The following ANOS1 variants were observed in gnomAD, a reference collection of about 807,000 sequenced individuals.
ANOS1 encodes anosmin 1.
ANOS1 carries 6 observed loss-of-function variants against 59.0 expected under a neutral mutation model. The observed-to-expected ratio is 0.10, with a 90% CI of 0.06 to 0.20. ANOS1 has a LOEUF of 0.20. ANOS1 is among the 10% of genes least tolerant of loss of function. ANOS1 has a pLI of 1.00. For missense variants in ANOS1, 433 were observed against 542.3 expected, an observed-to-expected ratio of 0.80 and a Z score of 2.00; for synonymous variants, 217 against 223.4, an observed-to-expected ratio of 0.97 and a Z score of 0.25.
intron 2 of ANOS1, among the ~76,000 whole-genome samples, chrX:8,668,430 T>TATATATATATACACACAC (rs1394731479): frequency 3.7e-5 from 3 of 80,258 alleles, no homozygotes; most frequent in African/African-American, 1.5e-4. Flanking sequence ...TATATATATA[T>TATATATATATACACACAC]ACACACACAT....
At chrX:8,656,732 C>T (rs781480270) in intron 2 of ANOS1, among the ~76,000 whole-genome samples, 2 of 111,347 alleles carry the variant, frequency 1.8e-5, no homozygotes, top group Non-Finnish European at 3.8e-5. Context: ...CAGTTCTCAA[C>T]GCCATACATG....
intron 6 of ANOS1, among the ~76,000 whole-genome samples, chrX:8,580,175 G>T (rs977973884): frequency 5.3e-5 from 6 of 112,364 alleles, no homozygotes; most frequent in Admixed American, 9.4e-5. Context: ...GGAATGACCT[G>T]TGAAGGTAAC....
At chrX:8,727,728 G>C (rs918054846) in intron 1 of ANOS1, among the ~76,000 whole-genome samples, 1 of 112,206 alleles carries the variant, frequency 8.9e-6, no homozygotes, top group Non-Finnish European at 1.9e-5. Flanking sequence ...AGACATGAGT[G>C]TTCCCTGGGC....
chrX:8,619,366 G>C (rs949601047), intron 3 of ANOS1, among the ~76,000 whole-genome samples: 1 of 111,646 alleles, frequency 9.0e-6, no homozygotes, highest in Non-Finnish European at 1.9e-5. Context: ...AGCACTTTGG[G>C]AGGCCAAGGC....
chrX:8,559,745 A>G (rs1460197058), intron 8 of ANOS1, among the ~76,000 whole-genome samples: 13 of 112,178 alleles, frequency 1.2e-4, no homozygotes, highest in Non-Finnish European at 2.3e-4. Context: ...TTCTTTGCCC[A>G]TGAAAACTTC....
intron 2 of ANOS1, among the ~76,000 whole-genome samples, chrX:8,659,753 C>T (rs952942257): frequency 7.3e-5 from 8 of 109,218 alleles, no homozygotes; most frequent in Admixed American, 3.0e-4. Flanking sequence ...CTCAGCCTCC[C>T]GAGTAGCTGG....
intron 1 of ANOS1, among the ~76,000 whole-genome samples, chrX:8,725,761 T>C (rs931980719): frequency 7.9e-5 from 8 of 100,792 alleles, no homozygotes; most frequent in Non-Finnish European, 2.0e-5. Flanking sequence ...TATACAGATA[T>C]ATATATTTGA....
chrX:8,535,250 A>G lies in ANOS1; in HGVS notation c.1842+341T>C, dbSNP rs190285061. On this transcript the variant is annotated intron_variant, in intron 12 of 13. Coordinates refer to ENST00000262648, the MANE Select transcript of ANOS1 (RefSeq NM_000216.4). ...CTATTCCTGCCCTCCCCAATTCAAC[A>G]CTTCAAACAGGGCATGTTCACTTGG... 3.1e-3 allele frequency: 673 copies of G among 219,679 alleles called. 4 individuals carry two copies. The highest frequency in any genetic ancestry group is 0.016 in the African/African-American group (574 of 35,141). 18.1% of individuals were successfully genotyped at this position (219,679 alleles called of 1,213,427 possible). A position where few individuals can be genotyped will look rare whatever the true frequency, so the allele number is the denominator to read the frequency against.
chrX:8,639,230 G>T (rs770779354), intron 2 of ANOS1, among the ~76,000 whole-genome samples: 57 of 111,146 alleles, frequency 5.1e-4, no homozygotes, highest in African/African-American at 1.7e-3. Flanking sequence ...AGCTTAAAAA[G>T]AATCTCACTC....
chrX:8,595,428 C>T (rs780706828), intron 4 of ANOS1, among the ~76,000 whole-genome samples: 1 of 76,100 alleles, frequency 1.3e-5, no homozygotes, highest in African/African-American at 6.0e-5. Context: ...GTGTTTCCAA[C>T]GATAAAGAAA....
chrX:8,597,606 T>C, intron 3 of ANOS1, among the ~76,000 whole-genome samples: 1 of 108,332 alleles, frequency 9.2e-6, no homozygotes, highest in Non-Finnish European at 1.9e-5. Flanking sequence ...CCTTTTTGGA[T>C]TATATACATT....
chrX:8,536,666 G>C (rs1929599073), intron 11 of ANOS1, 105 bp downstream of exon 11: 1 of 596,032 alleles, frequency 1.7e-6, no homozygotes, highest in Non-Finnish European at 2.8e-6. Flanking sequence ...AGAAAGAGAG[G>C]CACTTTTGGT....
chrX:8,652,451 C>G (rs749957876), intron 2 of ANOS1, among the ~76,000 whole-genome samples: 5 of 111,865 alleles, frequency 4.5e-5, no homozygotes, highest in African/African-American at 6.5e-5. Flanking sequence ...TCAACACCCA[C>G]TGAATGTAGG....
intron 8 of ANOS1, among the ~76,000 whole-genome samples, chrX:8,554,559 T>TGTTGTTG (rs1454610503): frequency 1.0e-5 from 1 of 97,082 alleles, no homozygotes; most frequent in African/African-American, 4.1e-5. Flanking sequence ...TTTTTTTTTT[T>TGTTGTTG]TTTTTTTTTT....
intron 7 of ANOS1, 113 bp from the exon 8 acceptor site, chrX:8,568,489 C>A: frequency 1.4e-6 from 1 of 720,416 alleles, no homozygotes; most frequent in Non-Finnish European, 2.1e-6. Context: ...ATTTCTTTTA[C>A]CAACTTTTCT....
rs1929513254 is a variant in ANOS1 at position 8,532,329 on chromosome X, C to T, written c.*666G>A. ...GTAAAATCTGATTAGCAGCTTATTT[C>T]ATTGAGTTCCTCTGGCTTGGGTGTC... is the stretch of plus-strand genomic sequence containing the variant. On this transcript the variant is annotated 3_prime_UTR_variant, in exon 14 of 14. Transcript: ENST00000262648. The T allele has an allele frequency of 8.9e-6, 1 of 112,059 alleles. No homozygotes were observed. Among genetic ancestry groups the T allele is most frequent in the South Asian group, 3.7e-4 (1 of 2,726 alleles). 9.2% of individuals were successfully genotyped at this position (112,059 alleles called of 1,213,427 possible).
In ANOS1 at chrX:8,597,133, C is replaced by A; in HGVS notation, c.442G>T (p.Val148Phe). 1 of 1,211,711 alleles carries A rather than the reference C, an allele frequency of 8.3e-7. No homozygotes were observed. The highest frequency in any genetic ancestry group is 1.1e-6 in the Non-Finnish European group (1 of 895,585). ...EKASGFAAAC[V>F]ESCEVDNECS... ...TCATTGTCAACTTCGCAGCTTTCAA[C>A]ACAGGCGGCCGCAAATCCACTGGCT... Residue 148 changes from valine to phenylalanine, a missense_variant, in exon 4 of 14, where the codon GTT becomes TTT. Physicochemically the swap from Val to Phe is conservative, Grantham distance 50 (BLOSUM62 -1). Coordinates refer to ENST00000262648, the MANE Select transcript of ANOS1 (RefSeq NM_000216.4).
At chrX:8,577,739 A>T (rs919044765) in intron 6 of ANOS1, among the ~76,000 whole-genome samples, 1 of 112,279 alleles carries the variant, frequency 8.9e-6, no homozygotes, top group Non-Finnish European at 1.9e-5. Flanking sequence ...AAACAGGCAA[A>T]GTAACAAGCA....
chrX:8,571,035 C>T (rs1601959013), intron 6 of ANOS1, among the ~76,000 whole-genome samples: 1 of 105,830 alleles, frequency 9.4e-6, no homozygotes, highest in Admixed American at 1.0e-4. Context: ...CGCTTGAACC[C>T]GGGAGGTCAA....
Sources: gnomAD v4.1 joint callset for allele counts (sites outside exome capture counted in the v4.1 genomes callset) on GRCh38, gnomAD v4.1.1 for gene constraint, MANE v1.5 for transcripts, NCBI Gene and HGNC (gene_info 2026-07-23, HGNC 2026-07-21) for gene names.